Variants in SRRD observed in about 807,000 individuals in gnomAD.
SRRD encodes SRR1 domain containing.
In SRRD, 28 loss-of-function variants were observed where a neutral mutation model predicts 30.7. That is an observed-to-expected ratio of 0.91 (90% CI 0.68 to 1.25). The LOEUF is 1.25. Among genes scored for constraint, SRRD ranks in the 50% most tolerant of loss-of-function variants. SRRD has a pLI of 0.00. For missense variants in SRRD, 415 were observed against 417.3 expected (o/e 0.99, Z 0.05); for synonymous variants, 161 against 159.6 (o/e 1.01, Z -0.07).
In SRRD at chr22:26,484,049, G is replaced by A; in HGVS notation, c.159G>A (p.Ala53=). The stretch of plus-strand genomic sequence containing the variant: ...AGGCGGCGCCCCGGGGCCCCGAGGC[G>A]GAGTTCGAGTCTGACAGCGGAGTCG... ...GREAAPRGPE[A]EFESDSGVVL... Residue 53 remains alanine, a synonymous_variant, in exon 1 of 7, where the codon GCG becomes GCA. Coordinates refer to ENST00000215917, the MANE Select transcript of SRRD (RefSeq NM_001013694.3). 1.4e-6 allele frequency: 2 copies of A among 1,463,180 alleles called. No individual in the cohort carries two copies. The highest frequency in any genetic ancestry group is 1.8e-6 in the Non-Finnish European group (2 of 1,112,818). 90.6% of individuals were successfully genotyped at this position (1,463,180 alleles called of 1,614,324 possible).
At position 26,491,626 on chromosome 22, in the gene SRRD, T is replaced by G. The variant is rs1921194479; in HGVS notation, c.974T>G (p.Leu325Arg). The G allele has an allele frequency of 6.2e-7, 1 of 1,613,768 alleles. No individual in the cohort carries two copies. The highest frequency in any genetic ancestry group is 8.5e-7 in the Non-Finnish European group (1 of 1,180,050). The change falls in exon 7 of 7, where the codon CTT becomes CGT. Residue 325 changes from leucine to arginine, a missense_variant. Transcript: ENST00000215917. ...EEPDYQDCED[L>R]EIIRNKREDP... ...CCAGATTATCAGGACTGTGAGGACC[T>G]TGAAATCATCAGGAACAAGAGAGAA...
At position 26,493,552 on chromosome 22, in the gene SRRD, C is replaced by T. The variant is rs1921499417; in HGVS notation, c.*1880C>T. 6.5e-6 allele frequency: 1 copy of T among 153,348 alleles called. No individual in the cohort carries two copies. Among genetic ancestry groups the T allele is most frequent in the Non-Finnish European group, 1.5e-5 (1 of 68,928 alleles). 9.5% of individuals were successfully genotyped at this position (153,348 alleles called of 1,614,324 possible). A position where few individuals can be genotyped will look rare whatever the true frequency, so the allele number is the denominator to read the frequency against. On this transcript the variant is annotated 3_prime_UTR_variant, in exon 7 of 7. Transcript: ENST00000215917. Reference sequence around the variant, plus strand: ...AAATGTAGAAACATAAATATACTCTCACTTACTTATGATCTAGGCAGAATG... The same window carrying T: ...AAATGTAGAAACATAAATATACTCTTACTTACTTATGATCTAGGCAGAATG...
intron 5 of SRRD, 73 bp from the exon 6 acceptor site, chr22:26,490,952 T>C: frequency 1.4e-6 from 2 of 1,390,446 alleles, no homozygotes; most frequent in Non-Finnish European, 1.0e-6. Context: ...TCTTAAAAGT[T>C]GAATGAAACT....
At position 26,483,920 on chromosome 22, in the gene SRRD, A is replaced by C; in HGVS notation, c.30A>C (p.Glu10Asp). The part of the protein sequence containing the change: MAAAAAAAL[E>D]SWQAAAPRKR... The stretch of plus-strand genomic sequence containing the variant: ...CTGCGGCCGCAGCTGCGGCGCTGGA[A>C]TCCTGGCAGGCGGCGGCTCCGCGGA... Residue 10 changes from glutamate to aspartate, a missense_variant, in exon 1 of 7, where the codon GAA (glutamate) becomes GAC (aspartate). By Grantham distance (45) the Glu-to-Asp change is conservative (BLOSUM62 2). Transcript: ENST00000215917. The C allele has an allele frequency of 3.7e-6, 5 of 1,349,986 alleles. No homozygotes were observed. The highest frequency in any genetic ancestry group is 4.7e-6 in the Non-Finnish European group (5 of 1,061,424). 83.6% of individuals were successfully genotyped at this position (1,349,986 alleles called of 1,614,324 possible). A position where few individuals can be genotyped will look rare whatever the true frequency, so the allele number is the denominator to read the frequency against.
In SRRD at chr22:26,490,050, A is replaced by C. The variant is rs763793218; in HGVS notation, c.616A>C (p.Lys206Gln). 2.5e-6 allele frequency: 4 copies of C among 1,613,888 alleles called. No individual in the cohort carries two copies. The highest frequency in any genetic ancestry group is 3.4e-6 in the Non-Finnish European group (4 of 1,179,902). The change falls in exon 5 of 7, where the codon AAA (lysine) becomes CAA (glutamine). Residue 206 changes from lysine (K) to glutamine (Q), a missense_variant. Lys to Gln is a moderately conservative substitution (Grantham distance 53). Transcript: ENST00000215917. The stretch of plus-strand genomic sequence containing the variant: ...GTGAATATCGTATCCCCAGGAAGGG[A>C]AACGGAGTATTCGCGGGGAGCCTAC... ...VTVLSENEEG[K>Q]RSIRGEPTIF...
At chr22:26,489,622 T>C (rs143952723) in intron 4 of SRRD, among the ~76,000 whole-genome samples, 2,247 of 151,794 alleles carry the variant, frequency 0.015, 29 homozygotes, top group Middle Eastern at 0.068. Flanking sequence ...TCAGGAGGGG[T>C]GATTGTGCCT....
rs746294346 is a variant in SRRD at position 26,490,105 on chromosome 22, C to T, written c.671C>T (p.Ala224Val). 5 of 1,613,954 alleles carry T rather than the reference C, an allele frequency of 3.1e-6. No individual in the cohort carries two copies. Among genetic ancestry groups the T allele is most frequent in the Admixed American group, 3.3e-5 (2 of 59,992 alleles). Residue 224 changes from alanine (A) to valine (V), a missense_variant, in exon 5 of 7, where the codon GCC becomes GTC. Transcript: ENST00000215917. Reference protein sequence around the residue: ...TIFYMLHCGTALYNNLLWSNW... With the variant: ...TIFYMLHCGTVLYNNLLWSNW... ...TTTTACATGCTCCATTGTGGGACGG[C>T]CTTGTACAACAATCTTTTATGGAGT...
intron 5 of SRRD, 26 bp from the exon 6 acceptor site, chr22:26,490,999 T>G (rs1921097927): frequency 1.3e-6 from 2 of 1,597,426 alleles, no homozygotes; most frequent in Non-Finnish European, 1.7e-6. Context: ...TTTTTTTTTG[T>G]TTTTTTGGTT....
intron 1 of SRRD, 108 bp from the exon 2 acceptor site, chr22:26,485,915 T>C: frequency 7.6e-7 from 1 of 1,320,506 alleles, no homozygotes; most frequent in African/African-American, 1.4e-5. Context: ...GGGCCCTGCA[T>C]TGCAGGGCAC....
At position 26,494,070 on chromosome 22, in the gene SRRD, C is replaced by T. The variant is rs1921598694; in HGVS notation, c.*2398C>T. On this transcript the variant is annotated 3_prime_UTR_variant, in exon 7 of 7. Coordinates refer to ENST00000215917, the MANE Select transcript of SRRD (RefSeq NM_001013694.3). Reference sequence around the variant, plus strand: ...CTACAGGAACCAGAAAACTCTGATTCTGTGTCATTTACATGTGTAAAATCT... The same window carrying T: ...CTACAGGAACCAGAAAACTCTGATTTTGTGTCATTTACATGTGTAAAATCT... 1 of 1,567,684 alleles carries T rather than the reference C, an allele frequency of 6.4e-7. No individual in the cohort carries two copies. Among genetic ancestry groups the T allele is most frequent in the Non-Finnish European group, 8.7e-7 (1 of 1,149,376 alleles).
rs187335635 is a variant in SRRD, at chr22:26,490,333, C to T, written c.764+135C>T. On this transcript the variant is annotated intron_variant, in intron 5 of 6. Transcript: ENST00000215917. Reference sequence around the variant, plus strand: ...TTTTCCACAGGGAACTGGATGAAGGCTTAAAGACAGATGTCAAATCCTGAT... The same window carrying T: ...TTTTCCACAGGGAACTGGATGAAGGTTTAAAGACAGATGTCAAATCCTGAT... 39 of 1,046,676 alleles carry T rather than the reference C, an allele frequency of 3.7e-5. No homozygotes were observed. The East Asian group carries it at 9.9e-4, about 27-fold the overall frequency. 64.8% of individuals were successfully genotyped at this position (1,046,676 alleles called of 1,614,324 possible).
Position 26,494,576 on chromosome 22 carries a change from G to C in SRRD, c.*2904G>C, listed in dbSNP as rs982048723. On this transcript the variant is annotated 3_prime_UTR_variant, in exon 7 of 7. Coordinates refer to ENST00000215917, the MANE Select transcript of SRRD (RefSeq NM_001013694.3). ...ATCCCCTACCCCATAGGGTTGCTGA[G>C]AGGAGCTGAGATAAAGCAAATAAAG... The C allele has an allele frequency of 2.8e-6, 2 of 725,852 alleles. No homozygotes were observed. The highest frequency in any genetic ancestry group is 4.4e-6 in the Non-Finnish European group (2 of 450,844). 45.0% of individuals were successfully genotyped at this position (725,852 alleles called of 1,614,324 possible). A position where few individuals can be genotyped will look rare whatever the true frequency, so the allele number is the denominator to read the frequency against.
chr22:26,491,873 C>T lies in SRRD; in HGVS notation c.*201C>T, dbSNP rs2041419504. The T allele has an allele frequency of 2.0e-6, 2 of 999,200 alleles. No homozygotes were observed. Among genetic ancestry groups the T allele is most frequent in the Admixed American group, 5.3e-5 (2 of 37,778 alleles). 61.9% of individuals were successfully genotyped at this position (999,200 alleles called of 1,614,324 possible). A position where few individuals can be genotyped will look rare whatever the true frequency, so the allele number is the denominator to read the frequency against. Reference sequence around the variant, plus strand: ...ACGTGGCATTGTCCCATTTTACATCCTTCCCTCATGACCTGGCCTGATGTG... The same window carrying T: ...ACGTGGCATTGTCCCATTTTACATCTTTCCCTCATGACCTGGCCTGATGTG... On this transcript the variant is annotated 3_prime_UTR_variant, in exon 7 of 7. Transcript: ENST00000215917.
chr22:26,484,127 T>A (rs1247753104), intron 1 of SRRD, 28 bp downstream of exon 1: 20 of 1,523,880 alleles, frequency 1.3e-5, no homozygotes, highest in Non-Finnish European at 1.8e-5. Context: ...CCTGATGGAA[T>A]CTTTGCGCCC....
Position 26,491,725 on chromosome 22 carries a change from T to C in SRRD, c.*53T>C. ...TGAGGTAGAAGCTGCCACCAGAGAC[T>C]AAAGGGAAGGCTGCTATGGAGGAAC... On this transcript the variant is annotated 3_prime_UTR_variant, in exon 7 of 7. Coordinates refer to ENST00000215917, the MANE Select transcript of SRRD (RefSeq NM_001013694.3). 2 of 1,503,280 alleles carry C rather than the reference T, an allele frequency of 1.3e-6. No individual in the cohort carries two copies. The highest frequency in any genetic ancestry group is 1.8e-6 in the Non-Finnish European group (2 of 1,096,736). The allele number at this position is 1,503,280 out of a possible 1,614,324, so 93.1% of individuals were successfully genotyped here. A position where few individuals can be genotyped will look rare whatever the true frequency, so the allele number is the denominator to read the frequency against.
rs151260607 is a variant in SRRD, at chr22:26,487,215, C to G, written c.251-814C>G. Among the ~76,000 whole-genome samples the G allele has an allele frequency of 1.1e-4, 17 of 152,294 alleles. No individual in the cohort carries two copies. In the East Asian group the frequency reaches 3.1e-3, roughly 28 times the overall value. On this transcript the variant is annotated intron_variant, in intron 2 of 6. Transcript: ENST00000215917. ...GGATTACAGGTGTGAGCCACCATGC[C>G]TGGCCCTTTGCTGGTATCTTAAGTG...
At position 26,488,387 on chromosome 22, in the gene SRRD, T is replaced by C. The variant is rs760516280; in HGVS notation, c.511-3T>C. 1 of 1,614,124 alleles carries C rather than the reference T, an allele frequency of 6.2e-7. No homozygotes were observed. The highest frequency in any genetic ancestry group is 8.5e-7 in the Non-Finnish European group (1 of 1,179,946). ...AAGTAAACAACTCATTCTTCCCTTC[T>C]AGATTCCCAGAAGTCACTGTTGGGT... is the stretch of plus-strand genomic sequence containing the variant. On this transcript the variant is annotated splice_region_variant and splice_polypyrimidine_tract_variant and intron_variant, in intron 3 of 6. Transcript: ENST00000215917.
At position 26,491,797 on chromosome 22, in the gene SRRD, G is replaced by A; in HGVS notation, c.*125G>A. 2 of 1,015,866 alleles carry A rather than the reference G, an allele frequency of 2.0e-6. No homozygotes were observed. Among genetic ancestry groups the A allele is most frequent in the Non-Finnish European group, 2.8e-6 (2 of 706,886 alleles). 62.9% of individuals were successfully genotyped at this position (1,015,866 alleles called of 1,614,324 possible). On this transcript the variant is annotated 3_prime_UTR_variant, in exon 7 of 7. Coordinates refer to ENST00000215917, the MANE Select transcript of SRRD (RefSeq NM_001013694.3). ...GAAAGAACATCAACTTGGCTGTCCTGTTTTGAGGACGATACCCCACATGAG... is the reference window on the plus strand; with the variant it reads ...GAAAGAACATCAACTTGGCTGTCCTATTTTGAGGACGATACCCCACATGAG...
At position 26,493,985 on chromosome 22, in the gene SRRD, C is replaced by CA; in HGVS notation, c.*2314dup. The CA allele has an allele frequency of 1.3e-6, 1 of 774,400 alleles. No homozygotes were observed. Among genetic ancestry groups the CA allele is most frequent in the Non-Finnish European group, 2.0e-6 (1 of 491,674 alleles). The allele number at this position is 774,400 out of a possible 1,614,324, so 48.0% of individuals were successfully genotyped here. On this transcript the variant is annotated 3_prime_UTR_variant, in exon 7 of 7. Coordinates refer to ENST00000215917, the MANE Select transcript of SRRD (RefSeq NM_001013694.3). ...GTGGGTGCCAGCTGACCATGTACCC[C>CA]AGTCAGCAGGGTGAGAGTCTGTTGC...
Sources: gnomAD v4.1 joint callset for allele counts (sites outside exome capture counted in the v4.1 genomes callset) on GRCh38, gnomAD v4.1.1 for gene constraint, MANE v1.5 for transcripts, NCBI Gene and HGNC (gene_info 2026-07-23, HGNC 2026-07-21) for gene names.